FGGY: variants seen among roughly 807,000 people sequenced by gnomAD.
FGGY encodes the protein FGGY carbohydrate kinase domain containing, also known as FGGY carbohydrate kinase domain-containing protein.
Under a neutral mutation model 71.3 loss-of-function variants are expected in FGGY, and 72 were observed. That is an observed-to-expected ratio of 1.01 (90% CI 0.84 to 1.23). The LOEUF (loss-of-function observed/expected upper bound fraction) is 1.23, where lower values mean the gene tolerates loss of function less well. Ranked by LOEUF, FGGY falls within the 50% of genes most tolerant of loss-of-function variation. The pLI is 0.00. For synonymous variants in FGGY, 251 were observed against 250.3 expected (o/e 1.00, Z -0.02); for missense variants, 668 against 682.3 (o/e 0.98, Z 0.23).
intron 6 of FGGY, among the ~76,000 whole-genome samples, chr1:59,506,615 A>T (rs866725261): frequency 2.0e-5 from 3 of 152,246 alleles, no homozygotes; most frequent in Admixed American, 2.0e-4. Context: ...TCTGGCCAAC[A>T]TGGCGAAACC....
intron 6 of FGGY, among the ~76,000 whole-genome samples, chr1:59,505,138 A>T (rs898733240): frequency 2.0e-5 from 3 of 152,196 alleles, no homozygotes; most frequent in African/African-American, 7.2e-5. Context: ...CGGGCCAGGG[A>T]TATAACATTA....
At chr1:59,589,977 CA>C (rs1240875171) in intron 8 of FGGY, among the ~76,000 whole-genome samples, 3 of 151,882 alleles carry the variant, frequency 2.0e-5, no homozygotes, top group South Asian at 2.1e-4. Flanking sequence ...AAAAACCCTT[CA>C]AAAAATTAAT....
chr1:59,596,813 TG>T (rs1276797258), intron 8 of FGGY, among the ~76,000 whole-genome samples: 2 of 152,218 alleles, frequency 1.3e-5, no homozygotes, highest in African/African-American at 4.8e-5. Context: ...CGCCGTGTGC[TG>T]CCCCAGGTAA....
chr1:59,461,844 A>C (rs1484475862), intron 6 of FGGY, among the ~76,000 whole-genome samples: 2 of 151,640 alleles, frequency 1.3e-5, no homozygotes, highest in Non-Finnish European at 2.9e-5. Flanking sequence ...TTATTATTAT[A>C]CTTTAAGTTT....
chr1:59,307,364 C>T lies in FGGY; in HGVS notation c.-15+10214C>T, dbSNP rs115620076. 1.1e-3 allele frequency among the ~76,000 whole-genome samples: 161 copies of T among 148,160 alleles called. 2 individuals are homozygous for T. Among genetic ancestry groups the T allele is most frequent in the African/African-American group, 3.8e-3 (155 of 40,274 alleles). On this transcript the variant is annotated intron_variant, in intron 1 of 15. Coordinates refer to ENST00000303721, the MANE Select transcript of FGGY (RefSeq NM_018291.5). ...TCGAGTGATTTAGACAGATCAAACT[C>T]AATCTAGTTAACCAAATATTGGGAT...
At chr1:59,317,338 A>T (rs367981326) in intron 1 of FGGY, among the ~76,000 whole-genome samples, 1 of 152,332 alleles carries the variant, frequency 6.6e-6, no homozygotes, top group East Asian at 1.9e-4. Context: ...CACTTTGGGC[A>T]AATTACTCCA....
At chr1:59,652,414 T>C (rs1470121644) in intron 11 of FGGY, among the ~76,000 whole-genome samples, 3 of 148,660 alleles carry the variant, frequency 2.0e-5, no homozygotes, top group Admixed American at 6.7e-5. Context: ...TTTGGTCTTT[T>C]CACATAGTCC....
chr1:59,436,082 A>C (rs2068397373), intron 5 of FGGY, among the ~76,000 whole-genome samples: 1 of 152,134 alleles, frequency 6.6e-6, no homozygotes, highest in South Asian at 2.1e-4. Context: ...TACCGCGCTC[A>C]GGTTGGACTC....
chr1:59,360,747 A>T (rs1157256438), intron 4 of FGGY, among the ~76,000 whole-genome samples: 1 of 152,234 alleles, frequency 6.6e-6, no homozygotes, highest in African/African-American at 2.4e-5. Context: ...GCAGGTAAGA[A>T]ATCTAAGAGT....
chr1:59,534,017 A>G (rs1162619493), intron 7 of FGGY, among the ~76,000 whole-genome samples: 1 of 152,262 alleles, frequency 6.6e-6, no homozygotes, highest in Non-Finnish European at 1.5e-5. Flanking sequence ...AAGGCTTCAG[A>G]CGATCAAATT....
At chr1:59,346,428 C>T (rs2051924967) in intron 4 of FGGY, 30 bp downstream of exon 4, 1 of 1,608,088 alleles carries the variant, frequency 6.2e-7, no homozygotes, top group South Asian at 1.1e-5. Context: ...GAGAAGATAC[C>T]AACAATAGTA....
At chr1:59,364,745 T>C (rs559103585) in intron 4 of FGGY, among the ~76,000 whole-genome samples, 137 of 152,342 alleles carry the variant, frequency 9.0e-4, no homozygotes, top group African/African-American at 3.1e-3. Flanking sequence ...AGCATAGGGA[T>C]GTCATGGGTG....
intron 5 of FGGY, among the ~76,000 whole-genome samples, chr1:59,431,901 A>G (rs531027089): frequency 2.6e-5 from 4 of 152,270 alleles, no homozygotes; most frequent in Admixed American, 6.5e-5. Flanking sequence ...CCTAAGCGAT[A>G]GAGCATCTTT....
intron 14 of FGGY, among the ~76,000 whole-genome samples, chr1:59,727,015 G>A (rs1030299524): frequency 1.3e-5 from 2 of 152,060 alleles, no homozygotes; most frequent in Non-Finnish European, 2.9e-5. Flanking sequence ...TACACAATAG[G>A]TAGTTTTTCA....
rs373735830 is a variant in FGGY, at chr1:59,547,274, CT to C, written c.800-6848del. 8.3e-4 allele frequency among the ~76,000 whole-genome samples: 126 copies of C among 152,194 alleles called. 2 individuals carry two copies. In the East Asian group the frequency reaches 0.018, roughly 22 times the overall value. ...CCACCTTTTTGACTGTTTTACTCCC[CT>C]TCATTTGCTAGGCTTGAGGTTAACC... On this transcript the variant is annotated intron_variant, in intron 7 of 15. Coordinates refer to ENST00000303721, the MANE Select transcript of FGGY (RefSeq NM_018291.5).
intron 8 of FGGY, among the ~76,000 whole-genome samples, chr1:59,594,181 A>G (rs1571856741): frequency 1.3e-5 from 2 of 152,284 alleles, no homozygotes; most frequent in African/African-American, 2.4e-5. Context: ...CTGCGTTTGT[A>G]GCCATCCCCT....
intron 4 of FGGY, among the ~76,000 whole-genome samples, chr1:59,346,761 CA>C (rs1357126921): frequency 6.6e-6 from 1 of 152,030 alleles, no homozygotes; most frequent in Non-Finnish European, 1.5e-5. Flanking sequence ...GTGACAGAAC[CA>C]GAATTTGAAC....
Position 59,574,342 on chromosome 1 carries a change from C to G in FGGY, c.903+20115C>G, listed in dbSNP as rs144458798. ...CATCTGTGGTCACATCTGCCTCTCC[C>G]TGTCTCTTACAAGAACAGTTATGAT... On this transcript the variant is annotated intron_variant, in intron 8 of 15. Transcript: ENST00000303721. Among the ~76,000 whole-genome samples, 304 of 152,338 alleles carry G rather than the reference C, an allele frequency of 2.0e-3. 2 individuals are homozygous for G. The highest frequency in any genetic ancestry group is 3.2e-3 in the Non-Finnish European group (219 of 68,024).
chr1:59,698,590 C>A (rs1193613845), intron 14 of FGGY: 1 of 167,856 alleles, frequency 6.0e-6, no homozygotes, highest in African/African-American at 2.4e-5. Context: ...CTGATTTCAG[C>A]TCCCCTCTGA....
Sources: allele counts gnomAD v4.1 joint callset (sites outside exome capture counted in the v4.1 genomes callset), GRCh38; gene constraint gnomAD v4.1.1; transcripts MANE v1.5; gene names NCBI Gene and HGNC (gene_info 2026-07-23, HGNC 2026-07-21).